Variants in ZFHX3 observed in about 807,000 individuals in gnomAD.
The protein encoded by ZFHX3 is zinc finger homeobox 3, also known as zinc finger homeobox protein 3.
Under a neutral mutation model 279.1 loss-of-function variants are expected in ZFHX3, and 42 were observed. That is an observed-to-expected ratio of 0.15 (90% CI 0.12 to 0.19). The LOEUF is 0.19. ZFHX3 is among the 10% of genes least tolerant of loss of function. ZFHX3 has a pLI of 1.00. For synonymous variants in ZFHX3, 2,293 were observed against 1,957.8 expected, an observed-to-expected ratio of 1.17 and a Z score of -4.52; for missense variants, 4,981 against 4,754.0, an observed-to-expected ratio of 1.05 and a Z score of -1.40.
chr16:73,730,653 G>C (rs1164245858), intron 1 of ZFHX3, among the ~76,000 whole-genome samples: 2 of 152,152 alleles, frequency 1.3e-5, no homozygotes, highest in Admixed American at 6.5e-5. Context: ...CGACTGAAAA[G>C]AACTTAAGCC....
intron 2 of ZFHX3, among the ~76,000 whole-genome samples, chr16:73,589,377 A>C (rs1381464373): frequency 1.4e-5 from 2 of 147,796 alleles, no homozygotes; most frequent in Non-Finnish European, 1.5e-5. Context: ...TTAAGATTGC[A>C]GTGTGCTATG....
intron 2 of ZFHX3, among the ~76,000 whole-genome samples, chr16:73,483,091 T>C (rs1467139487): frequency 6.6e-6 from 1 of 151,842 alleles, no homozygotes; most frequent in East Asian, 1.9e-4. Context: ...TGAACAAACT[T>C]GAAAGTGAAA....
At chr16:73,668,932 G>A (rs2052873457) in intron 2 of ZFHX3, among the ~76,000 whole-genome samples, 1 of 152,122 alleles carries the variant, frequency 6.6e-6, no homozygotes, top group Admixed American at 6.5e-5. Context: ...GGAGAAATAG[G>A]AATACTTTTA....
chr16:73,365,688 G>A (rs918616504), intron 3 of ZFHX3, among the ~76,000 whole-genome samples: 25 of 152,146 alleles, frequency 1.6e-4, no homozygotes, highest in Non-Finnish European at 2.6e-4. Context: ...ATCCTTAAAC[G>A]TGGGCACAGA....
chr16:73,637,379 C>T (rs1335419844), intron 2 of ZFHX3, among the ~76,000 whole-genome samples: 2 of 151,728 alleles, frequency 1.3e-5, no homozygotes, highest in Non-Finnish European at 2.9e-5. Context: ...TTATAGGTGG[C>T]TGCCACCATG....
intron 3 of ZFHX3, among the ~76,000 whole-genome samples, chr16:73,386,599 G>A (rs1318111082): frequency 6.6e-6 from 1 of 152,072 alleles, no homozygotes; most frequent in East Asian, 1.9e-4. Context: ...CCCAACATTA[G>A]GAACTGTAAA....
chr16:72,832,928 A>G (rs377202868), intron 4 of ZFHX3, among the ~76,000 whole-genome samples: 6 of 152,372 alleles, frequency 3.9e-5, no homozygotes, highest in African/African-American at 1.4e-4. Context: ...CAGCAAGAGG[A>G]AAAATAGCTC....
intron 4 of ZFHX3, among the ~76,000 whole-genome samples, chr16:73,270,210 T>G (rs1364240412): frequency 6.6e-6 from 1 of 152,230 alleles, no homozygotes; most frequent in Non-Finnish European, 1.5e-5. Flanking sequence ...TCCTAAGGAC[T>G]AATGATACTG....
At chr16:73,442,865 C>T (rs952380606) in intron 3 of ZFHX3, among the ~76,000 whole-genome samples, 2 of 152,152 alleles carry the variant, frequency 1.3e-5, no homozygotes, top group African/African-American at 2.4e-5. Flanking sequence ...GTGAGTTCCA[C>T]CTCAGCCTCC....
chr16:73,433,710 C>T (rs1336958821), intron 3 of ZFHX3, among the ~76,000 whole-genome samples: 1 of 152,180 alleles, frequency 6.6e-6, no homozygotes. Context: ...GGTTACGAGG[C>T]AGACGCCCAG....
chr16:73,859,069 T>C (rs1961813934), intron 1 of ZFHX3, among the ~76,000 whole-genome samples: 1 of 152,328 alleles, frequency 6.6e-6, no homozygotes, highest in East Asian at 1.9e-4. Flanking sequence ...GAAAAGTAGC[T>C]GTACAGCTAA....
intron 2 of ZFHX3, among the ~76,000 whole-genome samples, chr16:73,474,013 A>T (rs1342531071): frequency 6.6e-6 from 1 of 152,170 alleles, no homozygotes; most frequent in Admixed American, 6.5e-5. Context: ...TGAGATAGGA[A>T]ATGGCTACTG....
intron 1 of ZFHX3, among the ~76,000 whole-genome samples, chr16:73,721,623 G>A (rs746791425): frequency 2.0e-5 from 3 of 152,216 alleles, no homozygotes; most frequent in Non-Finnish European, 2.9e-5. Flanking sequence ...CTCTTCAGCA[G>A]TCCCAAAGAT....
intron 1 of ZFHX3, among the ~76,000 whole-genome samples, chr16:73,689,686 G>C (rs2053127171): frequency 6.6e-6 from 1 of 152,164 alleles, no homozygotes. Context: ...TTACAAGTCA[G>C]ATGGAATAAA....
chr16:72,888,539 G>C (rs1348291932), intron 4 of ZFHX3, among the ~76,000 whole-genome samples: 2 of 152,234 alleles, frequency 1.3e-5, no homozygotes, highest in African/African-American at 2.4e-5. Flanking sequence ...AGGCCACAGT[G>C]CCCTGTGCCC....
rs150750974 is a variant in ZFHX3, at chr16:73,139,476, A to G, written c.-1024+4276T>C. On this transcript the variant is annotated intron_variant, in intron 6 of 17. Transcript: ENST00000641206. ...TTGCTTGCATTTCTCAAGATATTGT[A>G]CATTATCTTTTAATCAGAAAAATAA... Among the ~76,000 whole-genome samples the G allele has an allele frequency of 7.2e-3, 1,101 of 152,358 alleles. 6 individuals are homozygous for G. Among genetic ancestry groups the G allele is most frequent in the Non-Finnish European group, 0.012 (802 of 68,028 alleles).
chr16:73,816,505 G>A (rs1310775461), intron 1 of ZFHX3, among the ~76,000 whole-genome samples: 1 of 152,122 alleles, frequency 6.6e-6, no homozygotes, highest in East Asian at 1.9e-4. Flanking sequence ...CTTTGCAATG[G>A]CAGAAATAAG....
At chr16:73,226,546 G>A (rs1041384103) in intron 5 of ZFHX3, among the ~76,000 whole-genome samples, 6 of 152,216 alleles carry the variant, frequency 3.9e-5, no homozygotes, top group Non-Finnish European at 8.8e-5. Flanking sequence ...TATGTGTCTC[G>A]GCCTTGGCCT....
At chr16:73,181,638 T>A (rs535113705) in intron 5 of ZFHX3, among the ~76,000 whole-genome samples, 2 of 152,324 alleles carry the variant, frequency 1.3e-5, no homozygotes, top group East Asian at 3.9e-4. Context: ...TGACTGTGAA[T>A]ATACAATCAT....
Sources: gnomAD v4.1 joint callset for allele counts (sites outside exome capture counted in the v4.1 genomes callset) on GRCh38, gnomAD v4.1.1 for gene constraint, MANE v1.5 for transcripts, NCBI Gene and HGNC (gene_info 2026-07-23, HGNC 2026-07-21) for gene names.